The following LILRB4 variants were observed in gnomAD, a reference collection of about 807,000 sequenced individuals.
The protein encoded by LILRB4 is leukocyte immunoglobulin-like receptor subfamily B member 4.
A neutral mutation model predicts 55.2 loss-of-function variants in LILRB4; 49 were observed. The ratio of observed to expected loss-of-function variants is 0.89; its 90% confidence interval spans 0.71 to 1.13. The LOEUF is 1.13. LILRB4 is among the 50% of genes most tolerant of loss of function. LILRB4 has a pLI of 0.00. For missense variants in LILRB4, 590 were observed against 555.2 expected, an observed-to-expected ratio of 1.06 and a Z score of -0.63; for synonymous variants, 229 against 213.8, an observed-to-expected ratio of 1.07 and a Z score of -0.62.
At position 54,666,253 on chromosome 19, in the gene LILRB4, T is replaced by A; in HGVS notation, c.888T>A (p.Ala296=). The A allele has an allele frequency of 1.2e-6, 2 of 1,604,468 alleles. No individual in the cohort carries two copies. Among genetic ancestry groups the A allele is most frequent in the Non-Finnish European group, 1.7e-6 (2 of 1,175,120 alleles). Residue 296 remains alanine (A), a synonymous_variant, in exon 8 of 12, where the codon GCT becomes GCA. Coordinates refer to ENST00000430952, the Ensembl canonical transcript of LILRB4. This position sits in a 1 kb window ranked among gnomAD's most constrained non-coding sequence, Gnocchi z 4.8. The stretch of plus-strand genomic sequence containing the variant: ...ATCTTCCCCCAGCCCAGAGACAGGC[T>A]GATTTCCAACGTCCTCCAGGGGCTG...
chr19:54,663,995 A>G (rs773543455), exon 3 of LILRB4: 4 of 1,614,110 alleles, frequency 2.5e-6, no homozygotes, highest in Non-Finnish European at 3.4e-6. Context: ...GCAGCCCTGT[A>G]GGCTGGTCAC....
chr19:54,666,467 G>T lies in LILRB4; in HGVS notation c.988+31G>T, dbSNP rs747071287. On this transcript the variant is annotated intron_variant, in intron 9 of 11. Transcript: ENST00000430952. The surrounding 1 kb of genome is among the most constrained non-coding windows in gnomAD (Gnocchi z 4.8). ...TGAGAGGCAGAGAAGGTGCACCTGG[G>T]GTGGAGCTGGGGGTCCCAAAATTTC... is the stretch of plus-strand genomic sequence containing the variant. 1 of 1,612,490 alleles carries T rather than the reference G, an allele frequency of 6.2e-7. No individual in the cohort carries two copies. Among genetic ancestry groups the T allele is most frequent in the African/African-American group, 1.3e-5 (1 of 74,912 alleles).
At chr19:54,667,349 G>A (rs985964945) in intron 10 of LILRB4, 43 of 621,102 alleles carry the variant, frequency 6.9e-5, no homozygotes, top group East Asian at 1.2e-4. Flanking sequence ...ATCCTCTAAT[G>A]GACGAGCCCC....
chr19:54,665,999 C>A lies in LILRB4; in HGVS notation c.874+68C>A. On this transcript the variant is annotated intron_variant, in intron 7 of 11. Coordinates refer to ENST00000430952, the Ensembl canonical transcript of LILRB4. The surrounding 1 kb of genome is among the most constrained non-coding windows in gnomAD (Gnocchi z 5.5). The stretch of plus-strand genomic sequence containing the variant: ...GCTCAGGGCACCAGCCAAAGGGACT[C>A]CAGATAGGAGAGGTCATCTTAGAAA... 1 of 1,593,086 alleles carries A rather than the reference C, an allele frequency of 6.3e-7. No individual in the cohort carries two copies. Among genetic ancestry groups the A allele is most frequent in the Non-Finnish European group, 8.6e-7 (1 of 1,164,650 alleles).
At position 54,663,424 on chromosome 19, in the gene LILRB4, T is replaced by C. The variant is rs1479660922; in HGVS notation, c.35-108T>C. ...TCGCACCACCGCACTCCAGCCTGGG[T>C]GACAGCGAGACTCCGTCTCAAAAAA... On this transcript the variant is annotated intron_variant, in intron 1 of 11. Coordinates refer to ENST00000430952, the Ensembl canonical transcript of LILRB4. 9.2e-4 allele frequency: 1,181 copies of C among 1,286,476 alleles called. 3 individuals are homozygous for C. Among genetic ancestry groups the C allele is most frequent in the East Asian group, 1.0e-3 (38 of 38,186 alleles). 79.7% of individuals were successfully genotyped at this position (1,286,476 alleles called of 1,614,324 possible).
At chr19:54,668,346 C>A in exon 12 of LILRB4, 2 of 267,478 alleles carry the variant, frequency 7.5e-6, no homozygotes, top group East Asian at 6.7e-5. Context: ...CTAATGAGGA[C>A]AAACAAAAAA....
exon 2 of LILRB4, chr19:54,663,553 C>T (rs147536662): frequency 2.5e-6 from 4 of 1,613,586 alleles, no homozygotes; most frequent in Non-Finnish European, 3.4e-6. Flanking sequence ...GGCCCCAGGA[C>T]CCACATGCAG....
rs2065274898 is a variant in LILRB4 at position 54,666,578 on chromosome 19, G to T, written c.989-119G>T. 1.4e-6 allele frequency: 2 copies of T among 1,421,676 alleles called. No individual in the cohort carries two copies. Among genetic ancestry groups the T allele is most frequent in the Non-Finnish European group, 2.0e-6 (2 of 1,019,330 alleles). The allele number at this position is 1,421,676 out of a possible 1,614,324, so 88.1% of individuals were successfully genotyped here. ...TGAACCCACATTGTGGGACCTCGGG[G>T]ACATCACAGCCCCTCCCTGCGTTGC... is the stretch of plus-strand genomic sequence containing the variant. On this transcript the variant is annotated intron_variant, in intron 9 of 11. Transcript: ENST00000430952. This position sits in a 1 kb window ranked among gnomAD's most constrained non-coding sequence, Gnocchi z 4.8.
In LILRB4 at chr19:54,666,606, T is replaced by G. The variant is rs1167105910; in HGVS notation, c.989-91T>G. ...ATCACAGCCCCTCCCTGCGTTGCAGTGGCACTAATGGGAACAGGGCAGGGA... is the reference window on the plus strand; with the variant it reads ...ATCACAGCCCCTCCCTGCGTTGCAGGGGCACTAATGGGAACAGGGCAGGGA... On this transcript the variant is annotated intron_variant, in intron 9 of 11. Coordinates refer to ENST00000430952, the Ensembl canonical transcript of LILRB4. The surrounding 1 kb of genome is among the most constrained non-coding windows in gnomAD (Gnocchi z 4.8). 4.1e-6 allele frequency: 6 copies of G among 1,465,486 alleles called. No individual in the cohort carries two copies. The African/African-American group carries it at 4.2e-5, about 10-fold the overall frequency. 90.8% of individuals were successfully genotyped at this position (1,465,486 alleles called of 1,614,324 possible).
rs1457489521 is a variant in LILRB4, at chr19:54,665,811, C to G, written c.758-4C>G. The G allele has an allele frequency of 6.2e-7, 1 of 1,600,050 alleles. No individual in the cohort carries two copies. Among genetic ancestry groups the G allele is most frequent in the Non-Finnish European group, 8.5e-7 (1 of 1,173,618 alleles). ...TCCCCATTCCTGATGTCATCACGCC[C>G]AAGGTCTGAGAAGGCACTGGGAGGT... On this transcript the variant is annotated splice_polypyrimidine_tract_variant and splice_region_variant and intron_variant, in intron 6 of 11. Transcript: ENST00000430952. This position sits in a 1 kb window ranked among gnomAD's most constrained non-coding sequence, Gnocchi z 5.5.
intron 5 of LILRB4, 100 bp downstream of exon 5, chr19:54,664,949 G>A (rs758636612): frequency 7.1e-6 from 10 of 1,406,690 alleles, no homozygotes; most frequent in South Asian, 1.2e-5. Flanking sequence ...TCTCAGCTGG[G>A]CTTGCTTCCA....
At position 54,667,903 on chromosome 19, in the gene LILRB4, A is replaced by T. The variant is rs761223136; in HGVS notation, c.1228A>T (p.Thr410Ser). Residue 410 changes from threonine to serine, a missense_variant, in exon 12 of 12, where the codon ACC (threonine) becomes TCC (serine). Coordinates refer to ENST00000430952, the Ensembl canonical transcript of LILRB4. ...TGCATCTGAAGCCCCCCAGGATGTG[A>T]CCTACGCCCGGCTGCACAGCTTTAC... 24 of 1,603,780 alleles carry T rather than the reference A, an allele frequency of 1.5e-5. No individual in the cohort carries two copies. In the African/African-American group the frequency reaches 3.2e-4, roughly 21 times the overall value.
chr19:54,665,108 T>A lies in LILRB4; in HGVS notation c.707-22T>A, dbSNP rs375080759. 2 of 1,609,820 alleles carry A rather than the reference T, an allele frequency of 1.2e-6. No homozygotes were observed. The highest frequency in any genetic ancestry group is 1.7e-6 in the Non-Finnish European group (2 of 1,177,896). On this transcript the variant is annotated intron_variant, in intron 5 of 11. Transcript: ENST00000430952. The surrounding 1 kb of genome is among the most constrained non-coding windows in gnomAD (Gnocchi z 5.5). ...GTGGGGAGCAGGGCAGCCCCAGCCC[T>A]CACATCCCTGTTCTAACCCAGCAGG... is the stretch of plus-strand genomic sequence containing the variant.
chr19:54,663,217 C>T (rs897159842), intron 1 of LILRB4, 150 bp downstream of exon 1: 26 of 906,888 alleles, frequency 2.9e-5, no homozygotes, highest in Non-Finnish European at 3.6e-5. Context: ...GAGGCCGAGG[C>T]GGGCGGATCA....
chr19:54,667,724 C>G (rs777765373), exon 11 of LILRB4: 14 of 1,611,402 alleles, frequency 8.7e-6, no homozygotes, highest in Non-Finnish European at 1.1e-5. Flanking sequence ...CTCCTCCCTC[C>G]CCACTGTCTG....
Position 54,663,081 on chromosome 19 carries a change from A to AG in LILRB4, c.34+19dup, listed in dbSNP as rs1568636895. The AG allele has an allele frequency of 1.9e-6, 3 of 1,605,834 alleles. No homozygotes were observed. Among genetic ancestry groups the AG allele is most frequent in the Non-Finnish European group, 2.6e-6 (3 of 1,175,056 alleles). Reference sequence around the variant, plus strand: ...TGCTCTGCCTCGGTGAGATTTAAAGAGGGGGAGGGGAGACCCGAGTCTTGG... The same window carrying AG: ...TGCTCTGCCTCGGTGAGATTTAAAGAGGGGGGAGGGGAGACCCGAGTCTTGG... On this transcript the variant is annotated intron_variant, in intron 1 of 11. Coordinates refer to ENST00000430952, the Ensembl canonical transcript of LILRB4.
chr19:54,667,461 G>C, intron 10 of LILRB4, 174 bp from the exon 11 acceptor site: 1 of 1,308,204 alleles, frequency 7.6e-7, no homozygotes, highest in Non-Finnish European at 1.0e-6. Context: ...TCAGAGTGAG[G>C]AGCAGAGACC....
exon 2 of LILRB4, chr19:54,663,535 T>A (rs2065110695): frequency 6.2e-7 from 1 of 1,612,466 alleles, no homozygotes; most frequent in Non-Finnish European, 8.5e-7. Flanking sequence ...CTTCCAGGGC[T>A]GAGTCTGGGC....
Position 54,667,861 on chromosome 19 carries a change from C to T in LILRB4, c.1198-12C>T, listed in dbSNP as rs199679094. On this transcript the variant is annotated splice_polypyrimidine_tract_variant and intron_variant, in intron 11 of 11. Transcript: ENST00000430952. ...CACCACGTTCCTTCCCTCTCACTCT[C>T]CCCCGCTGCAGGCTGCTGCATCTGA... The T allele has an allele frequency of 2.0e-4, 324 of 1,608,756 alleles. No homozygotes were observed. Among genetic ancestry groups the T allele is most frequent in the Non-Finnish European group, 2.7e-4 (314 of 1,177,914 alleles).
Sources: gnomAD v4.1 joint callset for allele counts on GRCh38, gnomAD v4.1.1 for gene constraint, Gnocchi (gnomAD v3.1) non-coding constraint, MANE v1.5 for transcripts, NCBI Gene and HGNC (gene_info 2026-07-23, HGNC 2026-07-21) for gene names.